The following SUCLG2 variants were observed in gnomAD, a reference collection of about 807,000 sequenced individuals.
SUCLG2 encodes succinate--CoA ligase [GDP-forming] subunit beta, mitochondrial.
SUCLG2 carries 42 observed loss-of-function variants against 47.9 expected under a neutral mutation model. The observed-to-expected ratio is 0.88, with a 90% confidence interval of 0.69 to 1.14. SUCLG2 has a LOEUF of 1.14. Ranked by LOEUF, SUCLG2 falls within the 50% of genes most tolerant of loss-of-function variation. The pLI, the probability that SUCLG2 is intolerant of heterozygous loss-of-function variation, is 0.00. For synonymous variants in SUCLG2, 195 were observed against 197.3 expected, an observed-to-expected ratio of 0.99 and a Z score of 0.10; for missense variants, 571 against 525.9, an observed-to-expected ratio of 1.09 and a Z score of -0.84.
At chr3:67,460,365 G>A (rs1704302033) in intron 9 of SUCLG2, among the ~76,000 whole-genome samples, 1 of 152,184 alleles carries the variant, frequency 6.6e-6, no homozygotes, top group African/African-American at 2.4e-5. Context: ...AGCAGTATCT[G>A]TCATTTATTA....
intron 9 of SUCLG2, among the ~76,000 whole-genome samples, chr3:67,429,545 C>A (rs531864016): frequency 6.6e-6 from 1 of 152,092 alleles, no homozygotes; most frequent in African/African-American, 2.4e-5. Context: ...CATCAACTAA[C>A]AAGAAAAATA....
chr3:67,548,305 C>A (rs1207936413), intron 2 of SUCLG2, among the ~76,000 whole-genome samples: 1 of 152,166 alleles, frequency 6.6e-6, no homozygotes, highest in Non-Finnish European at 1.5e-5. Context: ...AATTTCCAAT[C>A]ACATAGAAAT....
At chr3:67,586,404 A>AT (rs962344545) in intron 2 of SUCLG2, among the ~76,000 whole-genome samples, 3 of 151,918 alleles carry the variant, frequency 2.0e-5, no homozygotes, top group African/African-American at 4.8e-5. Context: ...GATGTGTTTC[A>AT]TTTTTTTTAA....
chr3:67,501,270 C>G (rs190881802), intron 7 of SUCLG2, among the ~76,000 whole-genome samples: 263 of 152,288 alleles, frequency 1.7e-3, no homozygotes, highest in Non-Finnish European at 1.7e-3. Context: ...CTGCCACCTT[C>G]AAGACCCCAG....
At position 67,616,513 on chromosome 3, in the gene SUCLG2, C is replaced by A. The variant is rs865934365; in HGVS notation, c.85-6917G>T. On this transcript the variant is annotated intron_variant, in intron 1 of 10. Transcript: ENST00000307227. ...CTATTGCCAGTAAACTTGGGAAGGG[C>A]AGACCAAGAAATTTCAACCTAATCT... 5.9e-5 allele frequency among the ~76,000 whole-genome samples: 9 copies of A among 152,148 alleles called. 1 individual carries two copies. In the South Asian group the frequency reaches 8.3e-4, roughly 14 times the overall value.
chr3:67,507,382 T>C (rs2107094397), intron 7 of SUCLG2, among the ~76,000 whole-genome samples: 1 of 152,320 alleles, frequency 6.6e-6, no homozygotes, highest in Middle Eastern at 3.4e-3. Flanking sequence ...TGAGACTACC[T>C]GAGAAGAGGA....
Position 67,498,129 on chromosome 3 carries a change from C to G in SUCLG2, c.919+5G>C. ...AAGCATTCTTTTGATATAACTGCTT[C>G]TTACCAAAGCAGGCAATGTTCCCAT... is the stretch of plus-strand genomic sequence containing the variant. On this transcript the variant is annotated splice_donor_5th_base_variant and intron_variant, in intron 8 of 10. Transcript: ENST00000307227. The G allele has an allele frequency of 6.2e-7, 1 of 1,603,178 alleles. No individual in the cohort carries two copies. The highest frequency in any genetic ancestry group is 8.5e-7 in the Non-Finnish European group (1 of 1,173,934).
At chr3:67,458,826 T>C (rs908260512) in intron 9 of SUCLG2, among the ~76,000 whole-genome samples, 11 of 152,298 alleles carry the variant, frequency 7.2e-5, no homozygotes, top group Admixed American at 6.5e-5. Flanking sequence ...GTCTGTCATA[T>C]GGTCCTTTGA....
At chr3:67,613,765 A>G (rs1700575191) in intron 1 of SUCLG2, among the ~76,000 whole-genome samples, 1 of 152,254 alleles carries the variant, frequency 6.6e-6, no homozygotes, top group Non-Finnish European at 1.5e-5. Context: ...AACTTGCCCA[A>G]GATCACAAGT....
chr3:67,385,999 A>G (rs1327275189), intron 10 of SUCLG2, among the ~76,000 whole-genome samples: 1 of 152,202 alleles, frequency 6.6e-6, no homozygotes, highest in Non-Finnish European at 1.5e-5. Flanking sequence ...AAGGTCTCAG[A>G]GGGACCAAGA....
intron 2 of SUCLG2, among the ~76,000 whole-genome samples, chr3:67,562,958 A>G (rs1178893267): frequency 6.6e-6 from 1 of 151,886 alleles, no homozygotes; most frequent in Non-Finnish European, 1.5e-5. Flanking sequence ...ATGGAAAACT[A>G]TATAATTTAC....
intron 9 of SUCLG2, among the ~76,000 whole-genome samples, chr3:67,426,815 C>G (rs1334462231): frequency 6.6e-6 from 1 of 152,040 alleles, no homozygotes; most frequent in Non-Finnish European, 1.5e-5. Flanking sequence ...GTAGTCCCAA[C>G]TACCTGGGAG....
intron 2 of SUCLG2, among the ~76,000 whole-genome samples, chr3:67,598,292 C>A (rs1252644814): frequency 6.6e-6 from 1 of 152,132 alleles, no homozygotes; most frequent in African/African-American, 2.4e-5. Context: ...AAAACTCTCA[C>A]TGTCTTTCCT....
chr3:67,466,281 A>C (rs769719463), intron 9 of SUCLG2, among the ~76,000 whole-genome samples: 1 of 152,194 alleles, frequency 6.6e-6, no homozygotes, highest in Non-Finnish European at 1.5e-5. Flanking sequence ...TGAACCTGGG[A>C]GGTAGAGGTT....
At chr3:67,608,868 G>A (rs996697951) in intron 2 of SUCLG2, among the ~76,000 whole-genome samples, 2 of 151,928 alleles carry the variant, frequency 1.3e-5, no homozygotes, top group African/African-American at 2.4e-5. Flanking sequence ...TGTAGAAACG[G>A]GTTCTGCTAT....
chr3:67,433,670 T>C (rs543672263), intron 9 of SUCLG2, among the ~76,000 whole-genome samples: 2 of 152,188 alleles, frequency 1.3e-5, no homozygotes, highest in African/African-American at 4.8e-5. Flanking sequence ...AGCAAACTGC[T>C]CAAATGCCCA....
At chr3:67,530,872 A>G (rs1477607466) in intron 2 of SUCLG2, among the ~76,000 whole-genome samples, 2 of 152,246 alleles carry the variant, frequency 1.3e-5, no homozygotes, top group Non-Finnish European at 2.9e-5. Context: ...AGAAACTCAC[A>G]AGGAAAGCAA....
At chr3:67,379,879 C>A (rs1271201186) in intron 10 of SUCLG2, among the ~76,000 whole-genome samples, 1 of 152,210 alleles carries the variant, frequency 6.6e-6, no homozygotes, top group Non-Finnish European at 1.5e-5. Flanking sequence ...TAAAATCTTA[C>A]CATGGATGAA....
At position 67,375,445 on chromosome 3, in the gene SUCLG2, C is replaced by A; in HGVS notation, c.*299G>T. Reference sequence around the variant, plus strand: ...GACTTGATTTCAAATTCTGTCTATACACACAATATTTGGCCACATAGACCA... The same window carrying A: ...GACTTGATTTCAAATTCTGTCTATAAACACAATATTTGGCCACATAGACCA... On this transcript the variant is annotated 3_prime_UTR_variant, in exon 11 of 11. Coordinates refer to ENST00000307227, the MANE Select transcript of SUCLG2 (RefSeq NM_003848.4). 9.5e-7 allele frequency: 1 copy of A among 1,048,928 alleles called. No homozygotes were observed. Among genetic ancestry groups the A allele is most frequent in the Non-Finnish European group, 1.1e-6 (1 of 871,440 alleles). The allele number at this position is 1,048,928 out of a possible 1,614,324, so 65.0% of individuals were successfully genotyped here.
Sources: allele counts gnomAD v4.1 joint callset (sites outside exome capture counted in the v4.1 genomes callset), GRCh38; gene constraint gnomAD v4.1.1; transcripts MANE v1.5; gene names NCBI Gene and HGNC (gene_info 2026-07-23, HGNC 2026-07-21).